FBXO11: variants seen among roughly 807,000 people sequenced by gnomAD.
FBXO11 encodes the protein F-box only protein 11.
FBXO11 carries 13 observed loss-of-function variants against 117.0 expected under a neutral mutation model. The ratio of observed to expected loss-of-function variants is 0.11; its 90% CI spans 0.07 to 0.18. FBXO11 has a LOEUF of 0.18. FBXO11 is among the 10% of genes least tolerant of loss of function. The probability of loss-of-function intolerance (pLI) is 1.00; values close to 1 mark genes in which losing one functional copy is unlikely to be tolerated. For missense variants in FBXO11, 767 were observed against 1,164.4 expected (o/e 0.66, Z 4.97); for synonymous variants, 490 against 380.5 (o/e 1.29, Z -3.35).
intron 1 of FBXO11, among the ~76,000 whole-genome samples, chr2:47,858,784 C>A (rs974672279): frequency 2.8e-4 from 42 of 151,292 alleles, no homozygotes; most frequent in African/African-American, 1.0e-3. Context: ...GTGGCTTATG[C>A]CTGTAATGCC....
At chr2:47,846,843 A>T (rs917705301) in intron 1 of FBXO11, among the ~76,000 whole-genome samples, 5 of 152,224 alleles carry the variant, frequency 3.3e-5, no homozygotes, top group African/African-American at 1.2e-4. Flanking sequence ...GCATGCCTCT[A>T]TTCAGACTAG....
At position 47,807,782 on chromosome 2, in the gene FBXO11, G is replaced by C. The variant is rs556361094; in HGVS notation, c.*336C>G. ...GCAACAAAGCTGCTTGTCTATTGAA[G>C]ATTACTACTGCAAATTGGACTGCAT... On this transcript the variant is annotated 3_prime_UTR_variant, in exon 23 of 23. Coordinates refer to ENST00000403359, the MANE Select transcript of FBXO11 (RefSeq NM_001190274.2). 15 of 258,190 alleles carry C rather than the reference G, an allele frequency of 5.8e-5. No homozygotes were observed. In the East Asian group the frequency reaches 8.5e-4, roughly 15 times the overall value. 16.0% of individuals were successfully genotyped at this position (258,190 alleles called of 1,614,324 possible). A position where few individuals can be genotyped will look rare whatever the true frequency, so the allele number is the denominator to read the frequency against.
At chr2:47,877,613 C>A (rs1292529907) in intron 1 of FBXO11, among the ~76,000 whole-genome samples, 2 of 152,012 alleles carry the variant, frequency 1.3e-5, no homozygotes. Context: ...TGTGTGCTTA[C>A]CTTACCCTAA....
chr2:47,903,267 TCA>T (rs1678436778), intron 1 of FBXO11, among the ~76,000 whole-genome samples: 1 of 152,108 alleles, frequency 6.6e-6, no homozygotes, highest in Admixed American at 6.5e-5. Flanking sequence ...TCTTTAAGAC[TCA>T]CACTATTTTC....
At chr2:47,817,435 T>A (rs756102249) in intron 16 of FBXO11, among the ~76,000 whole-genome samples, 4 of 152,196 alleles carry the variant, frequency 2.6e-5, no homozygotes. Flanking sequence ...AGCAATAAGG[T>A]TGTTTTGCTT....
At chr2:47,878,543 G>C (rs571364951) in intron 1 of FBXO11, among the ~76,000 whole-genome samples, 19 of 152,076 alleles carry the variant, frequency 1.2e-4, no homozygotes, top group South Asian at 1.2e-3. Flanking sequence ...TTTCAGTAGA[G>C]ATGGGGTTTC....
In FBXO11 at chr2:47,830,066, A is replaced by G. The variant is rs936058047; in HGVS notation, c.1398+2283T>C. Among the ~76,000 whole-genome samples the G allele has an allele frequency of 1.2e-4, 19 of 152,360 alleles. No homozygotes were observed. In the Middle Eastern group the frequency reaches 0.017, roughly 136 times the overall value. On this transcript the variant is annotated intron_variant, in intron 11 of 22. Transcript: ENST00000403359. ...CTCACACAACACTAAACAGAACAGA[A>G]CATAGCAATATAAATAACCAGAAAG...
rs180908320 is a variant in FBXO11, at chr2:47,809,809, A to T, written c.2339-102T>A. The T allele has an allele frequency of 4.2e-6, 3 of 709,228 alleles. No individual in the cohort carries two copies. In the Admixed American group the frequency reaches 7.3e-5, roughly 17 times the overall value. The allele number at this position is 709,228 out of a possible 1,614,324, so 43.9% of individuals were successfully genotyped here. On this transcript the variant is annotated intron_variant, in intron 19 of 22. Coordinates refer to ENST00000403359, the MANE Select transcript of FBXO11 (RefSeq NM_001190274.2). ...TAAACTGCTTCTTTTATAGAAGTAC[A>T]TTAACCCTCTTAATGTCTACTGAAT...
chr2:47,861,924 T>G (rs1674808094), intron 1 of FBXO11, among the ~76,000 whole-genome samples: 1 of 151,692 alleles, frequency 6.6e-6, no homozygotes, highest in Non-Finnish European at 1.5e-5. Context: ...TTTTTTTTCT[T>G]GAGATAGAAT....
chr2:47,823,765 A>C (rs1307064700), intron 11 of FBXO11, among the ~76,000 whole-genome samples: 1 of 151,972 alleles, frequency 6.6e-6, no homozygotes, highest in Non-Finnish European at 1.5e-5. Context: ...AAAAAAATTA[A>C]AAAAAAAGTT....
chr2:47,824,901 C>A (rs1385567657), intron 11 of FBXO11, among the ~76,000 whole-genome samples: 1 of 152,198 alleles, frequency 6.6e-6, no homozygotes, highest in Non-Finnish European at 1.5e-5. Context: ...TGCTTACTCT[C>A]TTTCCTCTTT....
chr2:47,851,516 C>A (rs140989417), intron 1 of FBXO11, among the ~76,000 whole-genome samples: 14 of 152,134 alleles, frequency 9.2e-5, no homozygotes, highest in African/African-American at 3.4e-4. Context: ...TGTGAGCCAC[C>A]GCGCCTGGCC....
intron 1 of FBXO11, among the ~76,000 whole-genome samples, chr2:47,887,866 C>A (rs894575626): frequency 1.3e-5 from 2 of 151,884 alleles, no homozygotes; most frequent in Non-Finnish European, 2.9e-5. Flanking sequence ...CAAAAAAACC[C>A]ATTAGCGGGC....
chr2:47,827,113 C>T (rs529515305), intron 11 of FBXO11, among the ~76,000 whole-genome samples: 5 of 152,248 alleles, frequency 3.3e-5, no homozygotes, highest in Non-Finnish European at 7.4e-5. Context: ...TTCAGAGTAA[C>T]TTTCAAGAAA....
intron 13 of FBXO11, among the ~76,000 whole-genome samples, chr2:47,821,028 A>C (rs1671341845): frequency 6.6e-6 from 1 of 152,256 alleles, no homozygotes; most frequent in Non-Finnish European, 1.5e-5. Context: ...AGCACAAAGT[A>C]TATTAAACTA....
At chr2:47,859,642 TGTTTTCACAGTTAC>T in intron 1 of FBXO11, among the ~76,000 whole-genome samples, 1 of 152,366 alleles carries the variant, frequency 6.6e-6, no homozygotes, top group African/African-American at 2.4e-5. Context: ...GCCCTCAAAG[TGTTTTCACAGTTAC>T]GCTTTCAAGG....
intron 1 of FBXO11, among the ~76,000 whole-genome samples, chr2:47,891,026 G>A (rs1209962262): frequency 1.3e-5 from 2 of 150,492 alleles, no homozygotes. Context: ...GTCTCCCTAT[G>A]TTGCTCAGAC....
intron 16 of FBXO11, among the ~76,000 whole-genome samples, chr2:47,817,675 T>C (rs1365490672): frequency 6.6e-6 from 1 of 152,236 alleles, no homozygotes; most frequent in African/African-American, 2.4e-5. Flanking sequence ...TGAGGATTAC[T>C]AATTGGCCTA....
chr2:47,829,672 T>C (rs1025557084), intron 11 of FBXO11, among the ~76,000 whole-genome samples: 1 of 152,064 alleles, frequency 6.6e-6, no homozygotes, highest in Non-Finnish European at 1.5e-5. Flanking sequence ...TTATTCCTAA[T>C]TATTGAGGAG....
Sources: allele counts gnomAD v4.1 joint callset (sites outside exome capture counted in the v4.1 genomes callset), GRCh38; gene constraint gnomAD v4.1.1; transcripts MANE v1.5; gene names NCBI Gene and HGNC (gene_info 2026-07-23, HGNC 2026-07-21).